EIF2AK3: variants seen among roughly 807,000 people sequenced by gnomAD.
EIF2AK3 encodes the protein eukaryotic translation initiation factor 2 alpha kinase 3, also known as eukaryotic translation initiation factor 2-alpha kinase 3.
EIF2AK3 carries 50 observed loss-of-function variants against 113.5 expected under a neutral mutation model. The ratio of observed to expected loss-of-function variants is 0.44; its 90% CI spans 0.35 to 0.56. The LOEUF is 0.56. Among genes scored for constraint, EIF2AK3 ranks in the 20% least tolerant of loss-of-function variants. The probability of loss-of-function intolerance (pLI) is 0.00; values close to 1 mark genes in which losing one functional copy is unlikely to be tolerated. For missense variants in EIF2AK3, 1,185 were observed against 1,378.0 expected (o/e 0.86, Z 2.22); for synonymous variants, 448 against 495.4 (o/e 0.90, Z 1.27).
chr2:88,580,375 A>G (rs1674568782), intron 10 of EIF2AK3, among the ~76,000 whole-genome samples: 1 of 151,988 alleles, frequency 6.6e-6, no homozygotes, highest in Admixed American at 6.6e-5. Flanking sequence ...CATTTAATGA[A>G]CCCTATTCTT....
intron 2 of EIF2AK3, among the ~76,000 whole-genome samples, chr2:88,608,220 G>A (rs1210799271): frequency 6.6e-6 from 1 of 152,074 alleles, no homozygotes; most frequent in Non-Finnish European, 1.5e-5. Context: ...ATCTTCTCTG[G>A]TCTTCTGAGT....
chr2:88,590,221 G>C (rs1394646332), intron 6 of EIF2AK3, among the ~76,000 whole-genome samples: 1 of 152,158 alleles, frequency 6.6e-6, no homozygotes, highest in East Asian at 1.9e-4. Context: ...GGCGACAAGA[G>C]TGAAACTCCA....
chr2:88,619,812 G>C (rs1202966334), intron 1 of EIF2AK3, among the ~76,000 whole-genome samples: 1 of 152,070 alleles, frequency 6.6e-6, no homozygotes, highest in African/African-American at 2.4e-5. Context: ...AAGTAAGCCG[G>C]GTGTGATGGC....
chr2:88,618,468 T>G (rs944041695), intron 1 of EIF2AK3, among the ~76,000 whole-genome samples: 1 of 152,204 alleles, frequency 6.6e-6, no homozygotes, highest in Admixed American at 6.5e-5. Flanking sequence ...AGGCAAAATA[T>G]GGTTATTTCA....
At chr2:88,619,615 TA>T (rs976542025) in intron 1 of EIF2AK3, among the ~76,000 whole-genome samples, 2 of 152,144 alleles carry the variant, frequency 1.3e-5, no homozygotes, top group African/African-American at 4.8e-5. Flanking sequence ...CCTCTACATT[TA>T]AACAACAGCC....
At chr2:88,587,928 C>A in intron 8 of EIF2AK3, 54 bp downstream of exon 8, 19 of 1,216,920 alleles carry the variant, frequency 1.6e-5, no homozygotes, top group South Asian at 2.9e-5. Flanking sequence ...CATTTGAATT[C>A]TATTAATTTC....
Position 88,625,494 on chromosome 2 carries a change from C to T in EIF2AK3, c.308+1473G>A, listed in dbSNP as rs375011001. 2.7e-4 allele frequency among the ~76,000 whole-genome samples: 41 copies of T among 152,338 alleles called. No individual in the cohort carries two copies. The South Asian group carries it at 7.5e-3, about 28-fold the overall frequency. Reference sequence around the variant, plus strand: ...CTTCTTACCTACCCTCACTCCCATACCTCACCTAGTAGAACACCACAAAAA... The same window carrying T: ...CTTCTTACCTACCCTCACTCCCATATCTCACCTAGTAGAACACCACAAAAA... On this transcript the variant is annotated intron_variant, in intron 1 of 16. Transcript: ENST00000303236.
At chr2:88,601,521 T>G (rs1675146921) in intron 2 of EIF2AK3, among the ~76,000 whole-genome samples, 1 of 152,208 alleles carries the variant, frequency 6.6e-6, no homozygotes, top group Non-Finnish European at 1.5e-5. Context: ...CTATGACTGC[T>G]TTCCAGCTGC....
intron 1 of EIF2AK3, among the ~76,000 whole-genome samples, chr2:88,614,335 A>G (rs541616505): frequency 1.3e-5 from 2 of 151,810 alleles, no homozygotes; most frequent in East Asian, 3.9e-4. Context: ...TTTCCAGACC[A>G]CTTTTTTCCT....
intron 1 of EIF2AK3, among the ~76,000 whole-genome samples, chr2:88,615,514 T>C (rs1271046164): frequency 2.0e-5 from 3 of 152,180 alleles, no homozygotes; most frequent in Admixed American, 1.3e-4. Flanking sequence ...CCTTGCCCCT[T>C]CCACCATGTA....
At chr2:88,587,686 G>A (rs559309293) in intron 8 of EIF2AK3, among the ~76,000 whole-genome samples, 3 of 152,188 alleles carry the variant, frequency 2.0e-5, no homozygotes, top group South Asian at 2.1e-4. Flanking sequence ...CTTTGCCTGC[G>A]TTATCTCATT....
intron 14 of EIF2AK3, 63 bp downstream of exon 14, chr2:88,570,811 T>C: frequency 6.3e-7 from 1 of 1,593,158 alleles, no homozygotes. Context: ...AATGAAAACA[T>C]GAGAAGAGAT....
At chr2:88,610,884 G>C (rs1416845601) in intron 2 of EIF2AK3, among the ~76,000 whole-genome samples, 2 of 151,812 alleles carry the variant, frequency 1.3e-5, no homozygotes, top group African/African-American at 4.8e-5. Context: ...TCGAGACTCT[G>C]TCTCCACAAA....
At chr2:88,586,307 A>G (rs1674731194) in intron 8 of EIF2AK3, among the ~76,000 whole-genome samples, 1 of 152,082 alleles carries the variant, frequency 6.6e-6, no homozygotes, top group African/African-American at 2.4e-5. Flanking sequence ...CTAGAAAAAA[A>G]TCTTAAGGGC....
At chr2:88,579,398 T>C (rs967044768) in intron 11 of EIF2AK3, 120 bp downstream of exon 11, 2 of 1,377,542 alleles carry the variant, frequency 1.5e-6, no homozygotes, top group African/African-American at 2.9e-5. Context: ...GAACCTAAGA[T>C]TTGAAACGTC....
chr2:88,580,939 A>G (rs1011876413), intron 10 of EIF2AK3, among the ~76,000 whole-genome samples: 1 of 152,170 alleles, frequency 6.6e-6, no homozygotes, highest in Admixed American at 6.5e-5. Flanking sequence ...AAAGCCCACA[A>G]ACTTCATATC....
At chr2:88,605,650 G>C (rs1389936605) in intron 2 of EIF2AK3, among the ~76,000 whole-genome samples, 1 of 151,968 alleles carries the variant, frequency 6.6e-6, no homozygotes, top group East Asian at 1.9e-4. Context: ...GTATATGTCT[G>C]TATATTTTAA....
chr2:88,563,303 C>T (rs1338842466), intron 14 of EIF2AK3, among the ~76,000 whole-genome samples: 1 of 152,184 alleles, frequency 6.6e-6, no homozygotes, highest in East Asian at 1.9e-4. Flanking sequence ...CCCTGGCCTT[C>T]TGCGCAGCCT....
chr2:88,579,443 T>C lies in EIF2AK3; in HGVS notation c.1886+75A>G. On this transcript the variant is annotated intron_variant, in intron 11 of 16. Coordinates refer to ENST00000303236, the MANE Select transcript of EIF2AK3 (RefSeq NM_004836.7). ...TTTCTATGGTGTTTACAGAGTACAG[T>C]AAGAAGGATATTTTACCCATGAGAT... 7.0e-6 allele frequency: 11 copies of C among 1,580,502 alleles called. No individual in the cohort carries two copies. The South Asian group carries it at 1.2e-4, about 18-fold the overall frequency.
Sources: gnomAD v4.1 joint callset for allele counts (sites outside exome capture counted in the v4.1 genomes callset) on GRCh38, gnomAD v4.1.1 for gene constraint, MANE v1.5 for transcripts, NCBI Gene and HGNC (gene_info 2026-07-23, HGNC 2026-07-21) for gene names.